The following FIGN variants were observed in gnomAD, a reference collection of about 807,000 sequenced individuals.
The protein encoded by FIGN is fidgetin, microtubule severing factor, also known as fidgetin.
A neutral mutation model predicts 51.3 loss-of-function variants in FIGN; 11 were observed. The ratio of observed to expected loss-of-function variants is 0.21; its 90% CI spans 0.13 to 0.35. The LOEUF (loss-of-function observed/expected upper bound fraction) is 0.35, where lower values mean the gene tolerates loss of function less well. Ranked by LOEUF, FIGN falls within the 10% of genes least tolerant of loss-of-function variation. The pLI is 1.00. For missense variants in FIGN, 857 were observed against 943.6 expected, an observed-to-expected ratio of 0.91 and a Z score of 1.20; for synonymous variants, 407 against 363.2, an observed-to-expected ratio of 1.12 and a Z score of -1.37.
chr2:163,731,509 T>C (rs988863784), intron 2 of FIGN, among the ~76,000 whole-genome samples: 43 of 152,156 alleles, frequency 2.8e-4, no homozygotes, highest in African/African-American at 9.9e-4. Flanking sequence ...TCAAAGTTCC[T>C]GCCTAACATG....
chr2:163,719,426 C>A (rs750220371), intron 2 of FIGN, among the ~76,000 whole-genome samples: 1 of 152,128 alleles, frequency 6.6e-6, no homozygotes, highest in Non-Finnish European at 1.5e-5. Context: ...AAGTAAATGT[C>A]TGGGCACACT....
chr2:163,716,632 C>A (rs573400739), intron 2 of FIGN, among the ~76,000 whole-genome samples: 2 of 152,138 alleles, frequency 1.3e-5, no homozygotes, highest in East Asian at 1.9e-4. Context: ...TCTAAGATTT[C>A]TTTTGTTTGA....
intron 2 of FIGN, among the ~76,000 whole-genome samples, chr2:163,648,402 C>T (rs527478628): frequency 3.4e-4 from 52 of 152,250 alleles, no homozygotes; most frequent in African/African-American, 1.2e-3. Flanking sequence ...TCTTTTTAAA[C>T]GATTAGCCAA....
At chr2:163,715,325 T>C (rs918870095) in intron 2 of FIGN, among the ~76,000 whole-genome samples, 3 of 152,296 alleles carry the variant, frequency 2.0e-5, no homozygotes, top group Non-Finnish European at 4.4e-5. Flanking sequence ...GGAGGGGGGA[T>C]TTGAACTCAC....
chr2:163,658,473 A>T (rs1202241663), intron 2 of FIGN, among the ~76,000 whole-genome samples: 2 of 151,608 alleles, frequency 1.3e-5, no homozygotes, highest in African/African-American at 4.9e-5. Flanking sequence ...TTTATAAAGA[A>T]AAAGGTTTAT....
chr2:163,616,342 G>A (rs375033688), intron 2 of FIGN, among the ~76,000 whole-genome samples: 2 of 152,224 alleles, frequency 1.3e-5, no homozygotes, highest in African/African-American at 4.8e-5. Flanking sequence ...GAAATAAAAG[G>A]TTAGGTCTTC....
intron 2 of FIGN, among the ~76,000 whole-genome samples, chr2:163,692,538 A>T (rs1684253940): frequency 6.6e-6 from 1 of 152,186 alleles, no homozygotes; most frequent in African/African-American, 2.4e-5. Context: ...TTAGGAAAAG[A>T]TGTTTAAAAA....
intron 2 of FIGN, among the ~76,000 whole-genome samples, chr2:163,613,210 A>G (rs1434868807): frequency 6.6e-6 from 1 of 151,912 alleles, no homozygotes; most frequent in African/African-American, 2.4e-5. Flanking sequence ...ATCTCAGTCT[A>G]ATCTCTGCTT....
At chr2:163,724,843 G>C (rs16848868) in intron 2 of FIGN, among the ~76,000 whole-genome samples, 16,643 of 151,886 alleles carry the variant, frequency 0.11, 990 homozygotes, top group Middle Eastern at 0.17. Flanking sequence ...TAAAATTATG[G>C]GGACGAAAAG....
At chr2:163,655,772 A>AAC (rs1216140765) in intron 2 of FIGN, among the ~76,000 whole-genome samples, 1 of 146,592 alleles carries the variant, frequency 6.8e-6, no homozygotes, top group South Asian at 2.1e-4. Flanking sequence ...TACATACATA[A>AAC]ACACACACAC....
At chr2:163,669,815 A>C (rs1434857648) in intron 2 of FIGN, among the ~76,000 whole-genome samples, 2 of 152,148 alleles carry the variant, frequency 1.3e-5, no homozygotes, top group East Asian at 3.9e-4. Context: ...GTGACAATAA[A>C]ATTCTTTATT....
intron 2 of FIGN, among the ~76,000 whole-genome samples, chr2:163,662,854 A>G (rs1257336703): frequency 6.6e-6 from 1 of 152,168 alleles, no homozygotes; most frequent in African/African-American, 2.4e-5. Flanking sequence ...GTCTCATGAG[A>G]TCTGATGGAT....
intron 2 of FIGN, among the ~76,000 whole-genome samples, chr2:163,639,056 A>C (rs924073078): frequency 2.6e-5 from 4 of 152,176 alleles, no homozygotes; most frequent in African/African-American, 9.6e-5. Context: ...TTTGCTTGTT[A>C]CTAAGAATAG....
At chr2:163,709,981 TAAG>T (rs1684562350) in intron 2 of FIGN, among the ~76,000 whole-genome samples, 1 of 152,192 alleles carries the variant, frequency 6.6e-6, no homozygotes, top group African/African-American at 2.4e-5. Flanking sequence ...ATTAATTGAA[TAAG>T]AAATGTTCAA....
chr2:163,611,765 C>A lies in FIGN; in HGVS notation c.67G>T (p.Glu23Ter). ...QWTPEHAQWP[E>*]QHFDITSTTR... ...GTTGAGGTGATGTCAAAGTGCTGTT[C>A]TGGCCACTGGGCATGCTCTGGCGTC... The change falls in exon 3 of 3, where the codon GAA (glutamate) becomes TAA (stop). Residue 23 changes from glutamate (E) to a stop codon, truncating the protein, a stop_gained. Transcript: ENST00000333129. LOFTEE classifies it high-confidence loss of function. 1 of 1,612,338 alleles carries A rather than the reference C, an allele frequency of 6.2e-7. No homozygotes were observed. The highest frequency in any genetic ancestry group is 8.5e-7 in the Non-Finnish European group (1 of 1,178,458).
chr2:163,616,311 T>G lies in FIGN; in HGVS notation c.26-4505A>C, dbSNP rs1682876930. On this transcript the variant is annotated intron_variant, in intron 2 of 2. Coordinates refer to ENST00000333129, the MANE Select transcript of FIGN (RefSeq NM_018086.4). ...AAAAATGAAGGGTATAAAAGCAACT[T>G]TCAAAATGAGAGGAAAATTGGAAAT... Among the ~76,000 whole-genome samples, 5 of 152,320 alleles carry G rather than the reference T, an allele frequency of 3.3e-5. No individual in the cohort carries two copies. The South Asian group carries it at 1.0e-3, about 32-fold the overall frequency.
At chr2:163,686,680 A>T (rs966363687) in intron 2 of FIGN, among the ~76,000 whole-genome samples, 3 of 151,944 alleles carry the variant, frequency 2.0e-5, no homozygotes, top group African/African-American at 7.3e-5. Context: ...TTCTAACAGT[A>T]TCTCATTTAC....
chr2:163,691,799 G>A lies in FIGN; in HGVS notation c.25+43104C>T, dbSNP rs566518169. Among the ~76,000 whole-genome samples the A allele has an allele frequency of 2.4e-3, 358 of 152,220 alleles. 2 individuals carry two copies. Among genetic ancestry groups the A allele is most frequent in the African/African-American group, 8.4e-3 (349 of 41,560 alleles). On this transcript the variant is annotated intron_variant, in intron 2 of 2. Coordinates refer to ENST00000333129, the MANE Select transcript of FIGN (RefSeq NM_018086.4). Reference sequence around the variant, plus strand: ...AACAGAAAGCAGAGTGGAAGTTGTGGAATAAAGAGGAAAATATGTGCTATA... The same window carrying A: ...AACAGAAAGCAGAGTGGAAGTTGTGAAATAAAGAGGAAAATATGTGCTATA...
intron 2 of FIGN, among the ~76,000 whole-genome samples, chr2:163,628,248 TG>T (rs5835952): frequency 0.31 from 46,446 of 151,940 alleles, 8,006 homozygotes; most frequent in African/African-American, 0.46. Context: ...TAGAGAGAGG[TG>T]GCTATACAGA....
Sources: allele counts gnomAD v4.1 joint callset (sites outside exome capture counted in the v4.1 genomes callset), GRCh38; gene constraint gnomAD v4.1.1; transcripts MANE v1.5; gene names NCBI Gene and HGNC (gene_info 2026-07-23, HGNC 2026-07-21).